Variants in LRP1B observed in about 807,000 individuals in gnomAD.
The protein encoded by LRP1B is LDL receptor related protein 1B.
A neutral mutation model predicts 556.6 loss-of-function variants in LRP1B; 217 were observed. The observed-to-expected ratio is 0.39, with a 90% confidence interval of 0.35 to 0.44. The LOEUF is 0.44. Ranked by LOEUF, LRP1B falls within the 20% of genes least tolerant of loss-of-function variation. The pLI, the probability that LRP1B is intolerant of heterozygous loss-of-function variation, is 1.00. For missense variants in LRP1B, 5,053 were observed against 5,620.8 expected, an observed-to-expected ratio of 0.90 and a Z score of 3.23; for synonymous variants, 2,047 against 1,865.8, an observed-to-expected ratio of 1.10 and a Z score of -2.50.
At chr2:141,004,609 T>A (rs1188992892) in intron 15 of LRP1B, among the ~76,000 whole-genome samples, 1 of 152,072 alleles carries the variant, frequency 6.6e-6, no homozygotes, top group African/African-American at 2.4e-5. Context: ...TTCCTTATAA[T>A]AAATCTTCTC....
chr2:141,562,485 A>G, intron 2 of LRP1B, among the ~76,000 whole-genome samples: 1 of 151,986 alleles, frequency 6.6e-6, no homozygotes, highest in East Asian at 1.9e-4. Context: ...TCTGTTTTGC[A>G]GATTACTCAC....
At chr2:141,466,423 C>A (rs942827443) in intron 3 of LRP1B, among the ~76,000 whole-genome samples, 1 of 152,166 alleles carries the variant, frequency 6.6e-6, no homozygotes, top group African/African-American at 2.4e-5. Context: ...TATCAAATAT[C>A]CATTATCTTC....
In LRP1B at chr2:140,951,900, T is replaced by A. The variant is rs754665830; in HGVS notation, c.2928A>T (p.Lys976Asn). Residue 976 changes from lysine (K) to asparagine (N), a missense_variant, in exon 19 of 91, where the codon AAA (lysine) becomes AAT (asparagine). This residue lies in a region of LRP1B where 3,619 missense variants were observed against 3,931.9 expected (regional missense o/e 0.92). Transcript: ENST00000389484. ...TCEPLTQFVC[K>N]SGRCISSKWH... ...ATTTGCTGCTAATGCATCTTCCACT[T>A]TTGCATACGAATTGGGTTAGTGGCT... is the stretch of plus-strand genomic sequence containing the variant. 10 of 1,614,042 alleles carry A rather than the reference T, an allele frequency of 6.2e-6. No homozygotes were observed. Among genetic ancestry groups the A allele is most frequent in the Middle Eastern group, 1.6e-4 (1 of 6,062 alleles).
At chr2:140,580,606 G>T (rs1049839413) in intron 43 of LRP1B, among the ~76,000 whole-genome samples, 1 of 152,018 alleles carries the variant, frequency 6.6e-6, no homozygotes, top group African/African-American at 2.4e-5. Context: ...CAATTTCCAT[G>T]ATAGCTCATA....
At chr2:140,325,720 C>T (rs769176768) in intron 80 of LRP1B, 42 bp downstream of exon 80, 99 of 1,310,224 alleles carry the variant, frequency 7.6e-5, no homozygotes, top group Non-Finnish European at 1.0e-4. Flanking sequence ...ATTTAACACT[C>T]TCAGTAACAA....
chr2:140,812,494 A>G (rs2105033191), intron 32 of LRP1B, among the ~76,000 whole-genome samples: 1 of 152,124 alleles, frequency 6.6e-6, no homozygotes, highest in Non-Finnish European at 1.5e-5. Context: ...GATGATAAAA[A>G]TATTTTTTAT....
intron 1 of LRP1B, among the ~76,000 whole-genome samples, chr2:141,978,777 C>T (rs1367134421): frequency 1.3e-5 from 2 of 152,026 alleles, no homozygotes; most frequent in East Asian, 1.9e-4. Flanking sequence ...TTATTTGATC[C>T]AGAACTGTCC....
chr2:142,035,788 C>T (rs1000013789), intron 1 of LRP1B, among the ~76,000 whole-genome samples: 2 of 151,656 alleles, frequency 1.3e-5, no homozygotes, highest in African/African-American at 4.8e-5. Context: ...TATGGTTTCG[C>T]TGTGTCCTCA....
chr2:140,946,038 G>C (rs897685649), intron 20 of LRP1B, among the ~76,000 whole-genome samples: 5 of 152,116 alleles, frequency 3.3e-5, no homozygotes, highest in African/African-American at 1.2e-4. Flanking sequence ...TCAGAAAGTA[G>C]GCCAAAGACA....
intron 1 of LRP1B, among the ~76,000 whole-genome samples, chr2:142,004,871 A>G (rs1702755662): frequency 6.6e-6 from 1 of 151,800 alleles, no homozygotes; most frequent in African/African-American, 2.4e-5. Flanking sequence ...AAAAAACCCC[A>G]CAGTTGTCTA....
At position 141,997,648 on chromosome 2, in the gene LRP1B, C is replaced by CATATATAT. The variant is rs138886100; in HGVS notation, c.82+132992_82+132999dup. Among the ~76,000 whole-genome samples the CATATATAT allele has an allele frequency of 1.2e-3, 164 of 139,166 alleles. 1 individual carries two copies. Among genetic ancestry groups the CATATATAT allele is most frequent in the South Asian group, 6.4e-3 (27 of 4,210 alleles). The allele number at this position is 139,166 out of a possible 152,430, so 91.3% of individuals were successfully genotyped here. A position where few individuals can be genotyped will look rare whatever the true frequency, so the allele number is the denominator to read the frequency against. ...TAGGCTTGAGCCACTGCACCCAGCCCATATATATATATATATATATAGCCT... is the reference window on the plus strand; with the variant it reads ...TAGGCTTGAGCCACTGCACCCAGCCCATATATATATATATATATATATATATATAGCCT... On this transcript the variant is annotated intron_variant, in intron 1 of 90. Transcript: ENST00000389484.
At chr2:140,937,693 T>A (rs1211516317) in intron 20 of LRP1B, among the ~76,000 whole-genome samples, 1 of 152,070 alleles carries the variant, frequency 6.6e-6, no homozygotes, top group Non-Finnish European at 1.5e-5. Context: ...TTATGTACAG[T>A]ATTTATTGGT....
intron 43 of LRP1B, among the ~76,000 whole-genome samples, chr2:140,546,758 C>T (rs149488869): frequency 7.3e-4 from 111 of 152,218 alleles, no homozygotes; most frequent in African/African-American, 2.6e-3. Context: ...AATCGGAATG[C>T]TTCCAGCTTT....
chr2:140,543,225 A>C (rs1680200699), intron 43 of LRP1B, among the ~76,000 whole-genome samples: 1 of 152,076 alleles, frequency 6.6e-6, no homozygotes, highest in Non-Finnish European at 1.5e-5. Flanking sequence ...AAAGGAAGAA[A>C]ATTCTCAAAT....
chr2:141,885,129 A>T (rs1699069963), intron 1 of LRP1B, among the ~76,000 whole-genome samples: 1 of 152,226 alleles, frequency 6.6e-6, no homozygotes, highest in Non-Finnish European at 1.5e-5. Context: ...ATATAATTTT[A>T]TGAACTATAT....
At chr2:140,387,611 C>T (rs1010158829) in intron 66 of LRP1B, among the ~76,000 whole-genome samples, 29 of 151,510 alleles carry the variant, frequency 1.9e-4, no homozygotes, top group Admixed American at 1.5e-3. Context: ...AATTTCCCTT[C>T]CTCCTTTTCT....
rs554916162 is a variant in LRP1B at position 140,613,209 on chromosome 2, T to C, written c.6800-11570A>G. Among the ~76,000 whole-genome samples, 446 of 146,466 alleles carry C rather than the reference T, an allele frequency of 3.0e-3. 1 individual carries two copies. Among genetic ancestry groups the C allele is most frequent in the Non-Finnish European group, 5.6e-3 (373 of 66,830 alleles). On this transcript the variant is annotated intron_variant, in intron 41 of 90. Coordinates refer to ENST00000389484, the MANE Select transcript of LRP1B (RefSeq NM_018557.3). ...GTCATTGTAGTGATGTGGCACTAAATCCCTGGCATTATATAAATATATATA... is the reference window on the plus strand; with the variant it reads ...GTCATTGTAGTGATGTGGCACTAAACCCCTGGCATTATATAAATATATATA...
intron 51 of LRP1B, among the ~76,000 whole-genome samples, chr2:140,512,765 G>A (rs1048176550): frequency 9.9e-5 from 15 of 152,130 alleles, no homozygotes; most frequent in Admixed American, 3.3e-4. Flanking sequence ...TGGAAATTGG[G>A]AAACAACATT....
intron 4 of LRP1B, among the ~76,000 whole-genome samples, chr2:141,251,407 G>A (rs554357238): frequency 6.6e-6 from 1 of 152,200 alleles, no homozygotes; most frequent in South Asian, 2.1e-4. Context: ...AAAGTTTGTG[G>A]ATAATAAAGG....
Sources: allele counts gnomAD v4.1 joint callset (sites outside exome capture counted in the v4.1 genomes callset), GRCh38; gene constraint gnomAD v4.1.1; regional missense constraint gnomAD v4.1.1; transcripts MANE v1.5; gene names NCBI Gene and HGNC (gene_info 2026-07-23, HGNC 2026-07-21).